GRIK2: variants seen among roughly 807,000 people sequenced by gnomAD.
GRIK2 encodes the protein glutamate receptor ionotropic, kainate 2.
Under a neutral mutation model 100.3 loss-of-function variants are expected in GRIK2, and 32 were observed. The ratio of observed to expected loss-of-function variants is 0.32; its 90% CI spans 0.24 to 0.43. The LOEUF is 0.43. Among genes scored for constraint, GRIK2 ranks in the 20% least tolerant of loss-of-function variants. GRIK2 has a pLI of 1.00. For missense variants in GRIK2, 843 were observed against 1,114.9 expected, an observed-to-expected ratio of 0.76 and a Z score of 3.47; for synonymous variants, 417 against 389.4, an observed-to-expected ratio of 1.07 and a Z score of -0.83.
At chr6:101,665,642 C>G (rs1769972434) in intron 4 of GRIK2, among the ~76,000 whole-genome samples, 1 of 152,088 alleles carries the variant, frequency 6.6e-6, no homozygotes, top group Non-Finnish European at 1.5e-5. Context: ...GTTGGATATA[C>G]AAATATATAG....
intron 7 of GRIK2, among the ~76,000 whole-genome samples, chr6:101,694,982 T>C (rs1772377057): frequency 6.7e-6 from 1 of 149,670 alleles, no homozygotes; most frequent in South Asian, 2.1e-4. Context: ...ATATAAATAA[T>C]ATAAAATAAG....
chr6:101,978,249 G>T (rs987058134), intron 14 of GRIK2, among the ~76,000 whole-genome samples: 37 of 151,834 alleles, frequency 2.4e-4, no homozygotes, highest in African/African-American at 8.9e-4. Flanking sequence ...CAGGGGAGTG[G>T]TCTCTTCATC....
chr6:101,759,187 AT>A (rs1777326699), intron 7 of GRIK2, among the ~76,000 whole-genome samples: 1 of 152,200 alleles, frequency 6.6e-6, no homozygotes, highest in Non-Finnish European at 1.5e-5. Context: ...AATGGGAAAT[AT>A]TTTAAAATTT....
intron 11 of GRIK2, among the ~76,000 whole-genome samples, chr6:101,864,044 G>A (rs2128445217): frequency 6.6e-6 from 1 of 151,394 alleles, no homozygotes; most frequent in South Asian, 2.1e-4. Flanking sequence ...GGCTGAGGCA[G>A]GAGAATGGCG....
intron 2 of GRIK2, among the ~76,000 whole-genome samples, chr6:101,540,948 G>C (rs1301306161): frequency 6.6e-6 from 1 of 151,882 alleles, no homozygotes; most frequent in East Asian, 1.9e-4. Flanking sequence ...TTTAAGTAGT[G>C]CAAGCAAGAA....
At chr6:101,610,337 T>C (rs1408238716) in intron 2 of GRIK2, among the ~76,000 whole-genome samples, 2 of 151,766 alleles carry the variant, frequency 1.3e-5, no homozygotes, top group African/African-American at 4.8e-5. Context: ...TTATAAAATA[T>C]TAACTTGCTA....
At chr6:101,816,931 C>T (rs977238618) in intron 9 of GRIK2, among the ~76,000 whole-genome samples, 1 of 152,080 alleles carries the variant, frequency 6.6e-6, no homozygotes, top group Non-Finnish European at 1.5e-5. Context: ...CTCCTTTCTA[C>T]TGTGTCTTGA....
At chr6:101,712,183 T>C (rs1773764008) in intron 7 of GRIK2, among the ~76,000 whole-genome samples, 1 of 151,800 alleles carries the variant, frequency 6.6e-6, no homozygotes, top group Non-Finnish European at 1.5e-5. Flanking sequence ...ACACTAAAGT[T>C]CCCTTTTTGG....
At chr6:101,639,135 A>G (rs187144176) in intron 4 of GRIK2, among the ~76,000 whole-genome samples, 35 of 152,120 alleles carry the variant, frequency 2.3e-4, no homozygotes, top group African/African-American at 7.9e-4. Context: ...CACCTTCCGG[A>G]TTCAAGCTAT....
At chr6:101,415,419 G>A (rs1776091036) in intron 2 of GRIK2, among the ~76,000 whole-genome samples, 1 of 137,640 alleles carries the variant, frequency 7.3e-6, no homozygotes, top group Admixed American at 8.0e-5. Flanking sequence ...CGCCCAGGCT[G>A]GAGTGCAGTG....
At chr6:101,791,985 C>G (rs2128408608) in intron 7 of GRIK2, among the ~76,000 whole-genome samples, 1 of 151,980 alleles carries the variant, frequency 6.6e-6, no homozygotes, top group South Asian at 2.1e-4. Context: ...CTCTTTTGAT[C>G]TTTGTTGGTT....
intron 12 of GRIK2, among the ~76,000 whole-genome samples, chr6:101,910,500 T>C (rs1469198683): frequency 1.3e-5 from 2 of 151,306 alleles, no homozygotes; most frequent in Non-Finnish European, 3.0e-5. Flanking sequence ...AATATGAATG[T>C]CATCAGTTCA....
intron 7 of GRIK2, among the ~76,000 whole-genome samples, chr6:101,713,649 A>G (rs542160184): frequency 6.6e-6 from 1 of 151,914 alleles, no homozygotes; most frequent in South Asian, 2.1e-4. Flanking sequence ...ATGACAAACA[A>G]CTGTTTCTTG....
At chr6:101,483,591 T>A (rs1772648873) in intron 2 of GRIK2, among the ~76,000 whole-genome samples, 1 of 152,238 alleles carries the variant, frequency 6.6e-6, no homozygotes, top group South Asian at 2.1e-4. Flanking sequence ...ATGTATTTAT[T>A]TGGGATAGAG....
chr6:101,562,612 G>A (rs1293545115), intron 2 of GRIK2, among the ~76,000 whole-genome samples: 1 of 152,012 alleles, frequency 6.6e-6, no homozygotes, highest in African/African-American at 2.4e-5. Context: ...CAAAGTGCTG[G>A]CATTACAGGT....
At chr6:101,510,350 G>A (rs181634758) in intron 2 of GRIK2, among the ~76,000 whole-genome samples, 1 of 152,152 alleles carries the variant, frequency 6.6e-6, no homozygotes, top group East Asian at 1.9e-4. Flanking sequence ...CAGGCTTCTG[G>A]TGGTCATGGT....
chr6:101,549,595 CTTTTAG>C (rs990341888), intron 2 of GRIK2, among the ~76,000 whole-genome samples: 23 of 151,618 alleles, frequency 1.5e-4, no homozygotes, highest in East Asian at 7.8e-4. Flanking sequence ...CAATTTTTTT[CTTTTAG>C]TTTAAGTTTT....
chr6:101,753,021 G>A (rs923178448), intron 7 of GRIK2, among the ~76,000 whole-genome samples: 5 of 152,086 alleles, frequency 3.3e-5, no homozygotes, highest in Admixed American at 6.6e-5. Flanking sequence ...CGGGCTGGGC[G>A]CGGTGGCTCA....
intron 11 of GRIK2, among the ~76,000 whole-genome samples, chr6:101,887,153 A>T (rs889701675): frequency 4.4e-4 from 67 of 152,038 alleles, no homozygotes; most frequent in South Asian, 8.3e-4. Context: ...TATGAAATTA[A>T]TTTTTTAATA....
Sources: gnomAD v4.1 joint callset for allele counts (sites outside exome capture counted in the v4.1 genomes callset) on GRCh38, gnomAD v4.1.1 for gene constraint, MANE v1.5 for transcripts, NCBI Gene and HGNC (gene_info 2026-07-23, HGNC 2026-07-21) for gene names.